Variants in SP1 observed in about 807,000 individuals in gnomAD.
SP1 encodes the protein transcription factor Sp1.
A neutral mutation model predicts 66.3 loss-of-function variants in SP1; 6 were observed. The ratio of observed to expected loss-of-function variants is 0.09; its 90% confidence interval spans 0.05 to 0.18. The LOEUF is 0.18. Among genes scored for constraint, SP1 ranks in the 10% least tolerant of loss-of-function variants. SP1 has a pLI of 1.00. For synonymous variants in SP1, 417 were observed against 360.8 expected (o/e 1.16, Z -1.77); for missense variants, 848 against 964.5 (o/e 0.88, Z 1.60).
intron 3 of SP1, among the ~76,000 whole-genome samples, chr12:53,385,077 C>T (rs1027197224): frequency 7.0e-6 from 1 of 142,462 alleles, no homozygotes; most frequent in Non-Finnish European, 1.5e-5. Flanking sequence ...GGTGGGTCAC[C>T]TGAGGTCAGG....
At position 53,391,304 on chromosome 12, in the gene SP1, T is replaced by G. The variant is rs568030093; in HGVS notation, c.1675+7682T>G. On this transcript the variant is annotated intron_variant, in intron 3 of 5. Transcript: ENST00000327443. ...ATACTGTGTTAGACTTTAAGAATTA[T>G]TTCCCTTAGAAGACTGAGAACTTTT... 7.2e-5 allele frequency among the ~76,000 whole-genome samples: 11 copies of G among 151,936 alleles called. No homozygotes were observed. The South Asian group carries it at 2.3e-3, about 32-fold the overall frequency.
chr12:53,382,021 A>G, intron 2 of SP1, 89 bp from the exon 3 acceptor site: 1 of 1,312,260 alleles, frequency 7.6e-7, no homozygotes, highest in African/African-American at 1.5e-5. Context: ...CCTTGTCTGC[A>G]CTACGTTGCT....
intron 3 of SP1, among the ~76,000 whole-genome samples, chr12:53,388,682 A>G (rs1336793597): frequency 1.3e-5 from 2 of 152,124 alleles, no homozygotes; most frequent in Admixed American, 6.6e-5. Flanking sequence ...TCCTGCTGGC[A>G]AAAGTATCTT....
At chr12:53,396,952 T>G (rs1938505239) in intron 3 of SP1, among the ~76,000 whole-genome samples, 1 of 152,092 alleles carries the variant, frequency 6.6e-6, no homozygotes, top group Non-Finnish European at 1.5e-5. Context: ...TGAGAGTTGT[T>G]CTGTTTTCTG....
chr12:53,408,023 G>T (rs1432598942), intron 4 of SP1, among the ~76,000 whole-genome samples: 1 of 143,290 alleles, frequency 7.0e-6, no homozygotes, highest in Non-Finnish European at 1.5e-5. Flanking sequence ...AAGGCGGGCG[G>T]ATCACCTGAG....
At position 53,416,434 on chromosome 12, in the gene SP1, T is replaced by C. The variant is rs901840729; in HGVS notation, c.*5194T>C. The C allele has an allele frequency of 3.3e-5, 5 of 152,482 alleles. No individual in the cohort carries two copies. The Admixed American group carries it at 3.3e-4, about 10-fold the overall frequency. The allele number at this position is 152,482 out of a possible 1,614,324, so 9.4% of individuals were successfully genotyped here. ...TCCTTTGTAAACCAATTAAAAAGTT[T>C]TTTAATAAAAAACCATGTCTCTGGT... On this transcript the variant is annotated 3_prime_UTR_variant, in exon 6 of 6. Transcript: ENST00000327443.
intron 3 of SP1, among the ~76,000 whole-genome samples, chr12:53,384,046 T>G (rs1938170573): frequency 6.6e-6 from 1 of 151,090 alleles, no homozygotes; most frequent in African/African-American, 2.4e-5. Flanking sequence ...CTCGGCTCAC[T>G]GCAAGCTCCG....
In SP1 at chr12:53,410,707, G is replaced by A. The variant is rs546367731; in HGVS notation, c.2045-220G>A. Among the ~76,000 whole-genome samples, 7 of 151,920 alleles carry A rather than the reference G, an allele frequency of 4.6e-5. No individual in the cohort carries two copies. In the South Asian group the frequency reaches 8.3e-4, roughly 18 times the overall value. On this transcript the variant is annotated intron_variant, in intron 5 of 5. Transcript: ENST00000327443. ...TTTTTAGTAGAGACAGGGTTTCACC[G>A]TGGTCTTGATCTCCTGACCTCGTGA...
chr12:53,392,702 C>G (rs555264333), intron 3 of SP1, among the ~76,000 whole-genome samples: 1 of 151,032 alleles, frequency 6.6e-6, no homozygotes, highest in South Asian at 2.1e-4. Context: ...ACCACGCTGG[C>G]CAGGCTGGTC....
intron 3 of SP1, among the ~76,000 whole-genome samples, chr12:53,405,329 C>T (rs923871533): frequency 1.3e-5 from 2 of 152,088 alleles, no homozygotes; most frequent in Admixed American, 6.6e-5. Context: ...TCAAACTGGC[C>T]TTCAAAAAGT....
At chr12:53,391,691 T>G (rs967390998) in intron 3 of SP1, among the ~76,000 whole-genome samples, 1 of 151,794 alleles carries the variant, frequency 6.6e-6, no homozygotes, top group Non-Finnish European at 1.5e-5. Flanking sequence ...ACAAATGATC[T>G]TGTTACCCGG....
At chr12:53,404,669 T>C (rs976995491) in intron 3 of SP1, among the ~76,000 whole-genome samples, 11 of 152,166 alleles carry the variant, frequency 7.2e-5, no homozygotes, top group Non-Finnish European at 1.5e-4. Context: ...ACACTGTTTA[T>C]TTATATATAT....
chr12:53,413,489 G>T lies in SP1; in HGVS notation c.*2249G>T, dbSNP rs1938936899. The T allele has an allele frequency of 6.6e-6, 1 of 152,524 alleles. No homozygotes were observed. Among genetic ancestry groups the T allele is most frequent in the South Asian group, 2.1e-4 (1 of 4,824 alleles). 9.4% of individuals were successfully genotyped at this position (152,524 alleles called of 1,614,324 possible). Reference sequence around the variant, plus strand: ...TAGTAACTTAATACTCTAAACAATAGTTCACTCCATTTGGTCCTTTCTCCA... The same window carrying T: ...TAGTAACTTAATACTCTAAACAATATTTCACTCCATTTGGTCCTTTCTCCA... On this transcript the variant is annotated 3_prime_UTR_variant, in exon 6 of 6. Transcript: ENST00000327443.
intron 3 of SP1, among the ~76,000 whole-genome samples, chr12:53,394,180 A>C (rs1339630779): frequency 6.6e-6 from 1 of 151,406 alleles, no homozygotes; most frequent in Non-Finnish European, 1.5e-5. Context: ...GAACCATTGC[A>C]CTCCAGCCTG....
chr12:53,385,102 G>A (rs980690732), intron 3 of SP1, among the ~76,000 whole-genome samples: 4 of 151,378 alleles, frequency 2.6e-5, no homozygotes, highest in African/African-American at 4.9e-5. Context: ...CAAGACCAGC[G>A]TGGCCAGCAT....
Position 53,382,397 on chromosome 12 carries a change from T to C in SP1, c.450T>C (p.Ala150=). 6.2e-7 allele frequency: 1 copy of C among 1,614,212 alleles called. No individual in the cohort carries two copies. The highest frequency in any genetic ancestry group is 8.5e-7 in the Non-Finnish European group (1 of 1,180,030). ...RTVSGGQYVV[A]AAPNLQNQQV... Reference sequence around the variant, plus strand: ...TCTCTGGTGGGCAGTATGTTGTGGCTGCCGCTCCCAACTTACAGAACCAGC... The same window carrying C: ...TCTCTGGTGGGCAGTATGTTGTGGCCGCCGCTCCCAACTTACAGAACCAGC... Residue 150 remains alanine, a synonymous_variant, in exon 3 of 6, where the codon GCT becomes GCC. Coordinates refer to ENST00000327443, the MANE Select transcript of SP1 (RefSeq NM_138473.3).
At chr12:53,383,729 G>A (rs1938163333) in intron 3 of SP1, 107 bp downstream of exon 3, 3 of 904,930 alleles carry the variant, frequency 3.3e-6, no homozygotes, top group East Asian at 2.4e-5. Flanking sequence ...ACTTTCTTGA[G>A]GGTTAGTCAT....
rs1938963184 is a variant in SP1 at position 53,414,759 on chromosome 12, T to G, written c.*3519T>G. 1 of 152,616 alleles carries G rather than the reference T, an allele frequency of 6.6e-6. No homozygotes were observed. Among genetic ancestry groups the G allele is most frequent in the Non-Finnish European group, 1.5e-5 (1 of 68,034 alleles). The allele number at this position is 152,616 out of a possible 1,614,324, so 9.5% of individuals were successfully genotyped here. ...GATCTTTGCTAGGACGCAATAAATT[T>G]ATATACTTTTTGAGGGGTTCTTCTG... is the stretch of plus-strand genomic sequence containing the variant. On this transcript the variant is annotated 3_prime_UTR_variant, in exon 6 of 6. Transcript: ENST00000327443.
chr12:53,395,273 G>T (rs954691226), intron 3 of SP1, among the ~76,000 whole-genome samples: 3 of 152,098 alleles, frequency 2.0e-5, no homozygotes, highest in African/African-American at 7.2e-5. Flanking sequence ...CTGCGAGGTG[G>T]AATTTGCAGT....
Sources: allele counts gnomAD v4.1 joint callset (sites outside exome capture counted in the v4.1 genomes callset), GRCh38; gene constraint gnomAD v4.1.1; transcripts MANE v1.5; gene names NCBI Gene and HGNC (gene_info 2026-07-23, HGNC 2026-07-21).